Variants in PELI2 observed in about 807,000 individuals in gnomAD.
The protein encoded by PELI2 is E3 ubiquitin-protein ligase pellino homolog 2.
A neutral mutation model predicts 42.3 loss-of-function variants in PELI2; 23 were observed. The observed-to-expected ratio is 0.54, with a 90% CI of 0.39 to 0.77. The LOEUF is 0.77. PELI2 is among the 30% of genes least tolerant of loss of function. The pLI, the probability that PELI2 is intolerant of heterozygous loss-of-function variation, is 0.00. For synonymous variants in PELI2, 245 were observed against 212.2 expected, an observed-to-expected ratio of 1.15 and a Z score of -1.34; for missense variants, 463 against 553.2, an observed-to-expected ratio of 0.84 and a Z score of 1.64.
intron 2 of PELI2, among the ~76,000 whole-genome samples, chr14:56,244,196 G>A (rs918382791): frequency 3.9e-5 from 6 of 152,184 alleles, no homozygotes; most frequent in Admixed American, 6.5e-5. Flanking sequence ...AGCAAAAGTA[G>A]ATTTGCTGAG....
chr14:56,264,063 T>C (rs1477441539), intron 2 of PELI2, among the ~76,000 whole-genome samples: 3 of 152,192 alleles, frequency 2.0e-5, no homozygotes, highest in African/African-American at 7.2e-5. Context: ...ATACTCAGGG[T>C]CCTTTTGCAG....
In PELI2 at chr14:56,200,885, C is replaced by T. The variant is rs1008110390; in HGVS notation, c.207+22421C>T. Among the ~76,000 whole-genome samples, 8 of 152,186 alleles carry T rather than the reference C, an allele frequency of 5.3e-5. No individual in the cohort carries two copies. In the South Asian group the frequency reaches 1.2e-3, roughly 24 times the overall value. On this transcript the variant is annotated intron_variant, in intron 2 of 5. Transcript: ENST00000267460. The stretch of plus-strand genomic sequence containing the variant: ...CATAGATTTTGCCTGGTCTAATGGC[C>T]ATTAGTGATCATTATTAAATGGAAC...
At chr14:56,123,541 A>G (rs1883140163) in intron 1 of PELI2, among the ~76,000 whole-genome samples, 2 of 151,980 alleles carry the variant, frequency 1.3e-5, no homozygotes, top group African/African-American at 2.4e-5. Flanking sequence ...ATTTTCCTTT[A>G]CTAACTTTAG....
intron 1 of PELI2, among the ~76,000 whole-genome samples, chr14:56,156,640 T>C (rs540680442): frequency 6.6e-6 from 1 of 152,356 alleles, no homozygotes; most frequent in East Asian, 1.9e-4. Context: ...ATTACATGTC[T>C]TACCTGTCCA....
At chr14:56,234,577 A>T (rs954776276) in intron 2 of PELI2, among the ~76,000 whole-genome samples, 2 of 152,094 alleles carry the variant, frequency 1.3e-5, no homozygotes, top group African/African-American at 4.8e-5. Flanking sequence ...CAGGGTGGGG[A>T]ACATCGCACA....
At chr14:56,119,013 C>G (rs1882959705) in intron 1 of PELI2, 1 of 195,108 alleles carries the variant, frequency 5.1e-6, no homozygotes, top group Non-Finnish European at 1.0e-5. Flanking sequence ...GGGGGCAGCG[C>G]CGGGCACCGG....
rs1333184549 is a variant in PELI2 at position 56,118,858 on chromosome 14, G to A, written c.77+121G>A. The stretch of plus-strand genomic sequence containing the variant: ...GACCGCCGGGGCGCTCGGGGCGGCA[G>A]GAGAGGCTCTCAGGGCCCGGACGGC... On this transcript the variant is annotated intron_variant, in intron 1 of 5. Transcript: ENST00000267460. 7.1e-6 allele frequency: 4 copies of A among 564,646 alleles called. No homozygotes were observed. The African/African-American group carries it at 7.9e-5, about 11-fold the overall frequency. The allele number at this position is 564,646 out of a possible 1,614,324, so 35.0% of individuals were successfully genotyped here.
At chr14:56,282,800 T>A (rs921699182) in intron 3 of PELI2, among the ~76,000 whole-genome samples, 1 of 152,164 alleles carries the variant, frequency 6.6e-6, no homozygotes, top group Non-Finnish European at 1.5e-5. Flanking sequence ...TTCTCCCCTG[T>A]TGATATTTTT....
chr14:56,195,625 A>G (rs1185561016), intron 2 of PELI2, among the ~76,000 whole-genome samples: 1 of 152,244 alleles, frequency 6.6e-6, no homozygotes, highest in Non-Finnish European at 1.5e-5. Context: ...CTAATGAAAC[A>G]GGTGGGGATA....
chr14:56,250,195 G>A (rs145753395), intron 2 of PELI2, among the ~76,000 whole-genome samples: 52 of 152,254 alleles, frequency 3.4e-4, no homozygotes, highest in Middle Eastern at 6.8e-3. Flanking sequence ...ATGCACTGAC[G>A]GTTCCTACTG....
intron 2 of PELI2, among the ~76,000 whole-genome samples, chr14:56,247,958 G>T (rs1888219346): frequency 6.6e-6 from 1 of 152,180 alleles, no homozygotes; most frequent in Admixed American, 6.5e-5. Flanking sequence ...GAAAGTGTCT[G>T]AAAAATGTCT....
At chr14:56,184,869 TACATC>T (rs1885712326) in intron 2 of PELI2, among the ~76,000 whole-genome samples, 1 of 152,068 alleles carries the variant, frequency 6.6e-6, no homozygotes, top group African/African-American at 2.4e-5. Context: ...TTGTGACAGA[TACATC>T]AAATAAAAAG....
intron 1 of PELI2, among the ~76,000 whole-genome samples, chr14:56,167,431 G>A (rs1024107260): frequency 1.3e-5 from 2 of 151,844 alleles, no homozygotes; most frequent in Admixed American, 1.3e-4. Flanking sequence ...AAATTCTTCA[G>A]CTTGATCCAC....
intron 2 of PELI2, among the ~76,000 whole-genome samples, chr14:56,245,393 AT>A (rs1438976252): frequency 7.9e-5 from 12 of 152,332 alleles, no homozygotes; most frequent in South Asian, 4.1e-4. Context: ...CTTAAAATTA[AT>A]TTAAAAATAT....
chr14:56,126,980 C>T (rs1364557784), intron 1 of PELI2, among the ~76,000 whole-genome samples: 1 of 152,040 alleles, frequency 6.6e-6, no homozygotes, highest in Non-Finnish European at 1.5e-5. Context: ...TTTTTGTCTC[C>T]TCGGGTTGTT....
chr14:56,281,784 T>C (rs1259070727), intron 3 of PELI2, among the ~76,000 whole-genome samples: 1 of 152,010 alleles, frequency 6.6e-6, no homozygotes, highest in Non-Finnish European at 1.5e-5. Context: ...AAAAGGAAAC[T>C]AAGTAACTCT....
chr14:56,133,181 T>C (rs1323695556), intron 1 of PELI2, among the ~76,000 whole-genome samples: 1 of 152,236 alleles, frequency 6.6e-6, no homozygotes, highest in Non-Finnish European at 1.5e-5. Context: ...ATATATGTGC[T>C]TCTTTTTAAA....
chr14:56,281,559 A>G (rs1889482466), intron 3 of PELI2, among the ~76,000 whole-genome samples: 1 of 152,124 alleles, frequency 6.6e-6, no homozygotes, highest in African/African-American at 2.4e-5. Flanking sequence ...AGAATATTTT[A>G]TGTGGTTTTT....
intron 1 of PELI2, among the ~76,000 whole-genome samples, chr14:56,157,133 T>C (rs1051423519): frequency 3.0e-4 from 46 of 152,240 alleles, no homozygotes; most frequent in African/African-American, 1.1e-3. Flanking sequence ...AGTGGGTTAA[T>C]GTGTCAAACT....
Sources: allele counts gnomAD v4.1 joint callset (sites outside exome capture counted in the v4.1 genomes callset), GRCh38; gene constraint gnomAD v4.1.1; transcripts MANE v1.5; gene names NCBI Gene and HGNC (gene_info 2026-07-23, HGNC 2026-07-21).